The following ZNG1B variants were observed in gnomAD, a reference collection of about 807,000 sequenced individuals.
ZNG1B encodes the protein Zn regulated GTPase metalloprotein activator 1B, also known as zinc-regulated GTPase metalloprotein activator 1B.
At chr2:113,447,880 C>T in the ZNG1B span, 1 of 454,042 alleles carries the variant, frequency 2.2e-6, no homozygotes, top group African/African-American at 2.0e-5. Context: ...TTACTGTTTC[C>T]ACCACATCTG....
At chr2:113,441,059 T>A in the ZNG1B span, among the ~76,000 whole-genome samples, 3 of 151,576 alleles carry the variant, frequency 2.0e-5, no homozygotes, top group Non-Finnish European at 4.4e-5. Context: ...AAATAAAAGG[T>A]CATTATAAAT....
chr2:113,474,905 C>T, the ZNG1B span, among the ~76,000 whole-genome samples: 3 of 149,916 alleles, frequency 2.0e-5, no homozygotes, highest in Admixed American at 6.6e-5. Context: ...AGCTTTACTT[C>T]CAAGTATGTG....
the ZNG1B span, among the ~76,000 whole-genome samples, chr2:113,460,293 T>C: frequency 8.1e-4 from 123 of 152,062 alleles, no homozygotes; most frequent in Admixed American, 1.8e-3. Flanking sequence ...AAATAAGTAA[T>C]AATGAATATT....
the ZNG1B span, chr2:113,453,275 A>G: frequency 1.9e-6 from 3 of 1,579,366 alleles, no homozygotes; most frequent in Non-Finnish European, 2.6e-6. Flanking sequence ...ACGGAGTCTC[A>G]CTTTGTTGCC....
chr2:113,477,259 C>T, the ZNG1B span, among the ~76,000 whole-genome samples: 6 of 152,260 alleles, frequency 3.9e-5, no homozygotes, highest in African/African-American at 7.2e-5. Flanking sequence ...GCGCAGTATT[C>T]GGGTGGGAGT....
chr2:113,474,037 G>A, the ZNG1B span, among the ~76,000 whole-genome samples: 6 of 151,734 alleles, frequency 4.0e-5, no homozygotes, highest in Admixed American at 1.3e-4. Context: ...TTTTTCTATT[G>A]ATTGGAATAG....
the ZNG1B span, among the ~76,000 whole-genome samples, chr2:113,450,450 G>A: frequency 6.7e-6 from 1 of 150,288 alleles, no homozygotes; most frequent in Non-Finnish European, 1.5e-5. Flanking sequence ...TTAAGTCATT[G>A]TGTTATATAG....
the ZNG1B span, among the ~76,000 whole-genome samples, chr2:113,439,873 A>ACT: frequency 2.1e-5 from 2 of 93,168 alleles, no homozygotes; most frequent in African/African-American, 4.2e-5. Flanking sequence ...CCCTTCCCTT[A>ACT]ATTTTTTTTT....
At chr2:113,441,169 C>T in the ZNG1B span, among the ~76,000 whole-genome samples, 1 of 152,278 alleles carries the variant, frequency 6.6e-6, no homozygotes, top group Admixed American at 6.5e-5. Context: ...TTTATGTCTA[C>T]ATAAAGTATT....
At chr2:113,445,996 G>T in the ZNG1B span, among the ~76,000 whole-genome samples, 2 of 151,856 alleles carry the variant, frequency 1.3e-5, no homozygotes, top group African/African-American at 4.8e-5. Context: ...TTTCAAAGTA[G>T]TATTGAATTA....
At chr2:113,437,768 G>GC in the ZNG1B span, 1 of 1,535,438 alleles carries the variant, frequency 6.5e-7, no homozygotes, top group Non-Finnish European at 8.9e-7. Flanking sequence ...ATGACGTCAG[G>GC]CCCCGGGCAG....
chr2:113,475,364 A>C, the ZNG1B span, among the ~76,000 whole-genome samples: 352 of 151,992 alleles, frequency 2.3e-3, 3 homozygotes, highest in African/African-American at 8.1e-3. Flanking sequence ...CCATCCCTTT[A>C]TTTTGAGCCT....
the ZNG1B span, among the ~76,000 whole-genome samples, chr2:113,460,252 A>C: frequency 1.3e-5 from 2 of 151,416 alleles, no homozygotes; most frequent in East Asian, 3.9e-4. Flanking sequence ...AGATTCTAAG[A>C]AACTATATTT....
At chr2:113,465,452 G>A in the ZNG1B span, among the ~76,000 whole-genome samples, 1 of 151,892 alleles carries the variant, frequency 6.6e-6, no homozygotes, top group Admixed American at 6.6e-5. Context: ...ACACTCGAGA[G>A]GGTAACTCAG....
the ZNG1B span, among the ~76,000 whole-genome samples, chr2:113,486,729 C>A: frequency 6.6e-6 from 1 of 152,124 alleles, no homozygotes; most frequent in Non-Finnish European, 1.5e-5. Flanking sequence ...CTACTCCAGC[C>A]TGGGCAACAG....
chr2:113,485,114 G>T, the ZNG1B span, among the ~76,000 whole-genome samples: 1 of 144,870 alleles, frequency 6.9e-6, no homozygotes. Context: ...CAAAGAAGGG[G>T]TAAGTGCTAT....
chr2:113,448,453 G>A, the ZNG1B span, among the ~76,000 whole-genome samples: 1 of 150,014 alleles, frequency 6.7e-6, no homozygotes, highest in African/African-American at 2.5e-5. Flanking sequence ...GATGGTAAAT[G>A]ATTATTGGCT....
At chr2:113,470,768 T>G in the ZNG1B span, 1 of 496,906 alleles carries the variant, frequency 2.0e-6, no homozygotes, top group Non-Finnish European at 3.5e-6. Flanking sequence ...CTTTAGCTGA[T>G]TTTTTAGCTA....
chr2:113,439,072 A>G, the ZNG1B span: 5 of 1,542,622 alleles, frequency 3.2e-6, no homozygotes, highest in South Asian at 1.2e-5. Flanking sequence ...GTCCAAAACA[A>G]TGTATTTCAA....
Sources: gnomAD v4.1 joint callset for allele counts (sites outside exome capture counted in the v4.1 genomes callset) on GRCh38, gnomAD v4.1.1 for gene constraint, MANE v1.5 for transcripts, NCBI Gene and HGNC (gene_info 2026-07-23, HGNC 2026-07-21) for gene names.